Variants in KIF24 observed in about 807,000 individuals in gnomAD.
The protein encoded by KIF24 is kinesin family member 24.
A neutral mutation model predicts 118.9 loss-of-function variants in KIF24; 81 were observed. The ratio of observed to expected loss-of-function variants is 0.68; its 90% CI spans 0.57 to 0.82. The LOEUF (loss-of-function observed/expected upper bound fraction) is 0.82, where lower values mean the gene tolerates loss of function less well. KIF24 is among the 40% of genes least tolerant of loss of function. KIF24 has a pLI of 0.00. For missense variants in KIF24, 1,560 were observed against 1,661.6 expected, an observed-to-expected ratio of 0.94 and a Z score of 1.06; for synonymous variants, 599 against 610.0, an observed-to-expected ratio of 0.98 and a Z score of 0.27.
At chr9:34,288,156 C>T (rs1397422707) in intron 5 of KIF24, among the ~76,000 whole-genome samples, 1 of 151,770 alleles carries the variant, frequency 6.6e-6, no homozygotes, top group Non-Finnish European at 1.5e-5. Context: ...TTTTGTCTAC[C>T]CTTGTCAAAG....
Position 34,257,034 on chromosome 9 carries a change from T to C in KIF24, c.2573A>G (p.His858Arg). The change falls in exon 11 of 13, where the codon CAC (histidine) becomes CGC (arginine). Residue 858 changes from histidine (H) to arginine (R), a missense_variant. By Grantham distance (29) the His-to-Arg change is conservative. Transcript: ENST00000402558. ...CTCAGGACCCTGTCCCCACGTCTGG[T>C]GCAGGAAGAATGAGTCTTCGCTATT... ...LENSEDSFFL[H>R]QTWGQGPEKQ... 1 of 1,614,026 alleles carries C rather than the reference T, an allele frequency of 6.2e-7. No individual in the cohort carries two copies. Among genetic ancestry groups the C allele is most frequent in the Non-Finnish European group, 8.5e-7 (1 of 1,179,886 alleles).
chr9:34,329,464 A>T (rs199994105), upstream of KIF24: 3 of 152,188 alleles, frequency 2.0e-5, no homozygotes, highest in Non-Finnish European at 2.9e-5. Context: ...TCAGTGTGAG[A>T]CGCGCACCTT....
chr9:34,322,731 T>C (rs1481327321), intron 1 of KIF24, among the ~76,000 whole-genome samples: 1 of 152,020 alleles, frequency 6.6e-6, no homozygotes, highest in African/African-American at 2.4e-5. Context: ...ATGTATGCCT[T>C]TAGTCACAGC....
intron 1 of KIF24, among the ~76,000 whole-genome samples, chr9:34,312,291 A>T (rs578050264): frequency 1.8e-4 from 28 of 152,326 alleles, no homozygotes; most frequent in African/African-American, 6.0e-4. Flanking sequence ...TGTATCTTTT[A>T]AAAAATTTTA....
intron 1 of KIF24, chr9:34,319,622 G>C (rs1051223392): frequency 2.2e-6 from 2 of 895,842 alleles, no homozygotes; most frequent in African/African-American, 3.3e-5. Context: ...ACCTGGTCCG[G>C]CCTAAGGTTG....
At chr9:34,294,970 G>A (rs1466422433) in intron 4 of KIF24, among the ~76,000 whole-genome samples, 1 of 152,082 alleles carries the variant, frequency 6.6e-6, no homozygotes. Flanking sequence ...CATCAAATGT[G>A]AATACTTAAG....
chr9:34,314,071 G>A lies in KIF24; in HGVS notation c.-25-2700C>T, dbSNP rs144434579. Among the ~76,000 whole-genome samples the A allele has an allele frequency of 5.3e-4, 80 of 151,424 alleles. No individual in the cohort carries two copies. The East Asian group carries it at 0.014, about 27-fold the overall frequency. The stretch of plus-strand genomic sequence containing the variant: ...GAGCCAAGCCTAAATATGCTTCTGC[G>A]TACCACATTCCATTTTACAATGTTG... On this transcript the variant is annotated intron_variant, in intron 1 of 12. Transcript: ENST00000402558.
chr9:34,285,774 C>CAAAAAA (rs59097671), intron 6 of KIF24, among the ~76,000 whole-genome samples: 2 of 65,052 alleles, frequency 3.1e-5, no homozygotes, highest in South Asian at 4.6e-4. Flanking sequence ...GACTCCATCT[C>CAAAAAA]AAAAAAAAAA....
chr9:34,318,338 C>A lies in KIF24; in HGVS notation c.-25-6967G>T. ...GTCTTGGAGCCAGCCCAGCCCAACC[C>A]AGCCCAACCCAGCTTGACCTAGCCC... On this transcript the variant is annotated intron_variant, in intron 1 of 12. Coordinates refer to ENST00000402558, the MANE Select transcript of KIF24 (RefSeq NM_194313.4). This position sits in a 1 kb window ranked among gnomAD's most constrained non-coding sequence, Gnocchi z 4.9. The A allele has an allele frequency of 1.7e-6, 1 of 578,738 alleles. No individual in the cohort carries two copies. The highest frequency in any genetic ancestry group is 2.5e-5 in the Admixed American group (1 of 40,556). The allele number at this position is 578,738 out of a possible 1,614,324, so 35.9% of individuals were successfully genotyped here. A position where few individuals can be genotyped will look rare whatever the true frequency, so the allele number is the denominator to read the frequency against.
At chr9:34,295,662 A>G (rs1836441248) in intron 4 of KIF24, among the ~76,000 whole-genome samples, 1 of 152,074 alleles carries the variant, frequency 6.6e-6, no homozygotes, top group South Asian at 2.1e-4. Flanking sequence ...TGGGTGACAG[A>G]GTGAGACCCT....
At chr9:34,312,206 G>T (rs747033882) in intron 1 of KIF24, among the ~76,000 whole-genome samples, 1 of 152,138 alleles carries the variant, frequency 6.6e-6, no homozygotes, top group East Asian at 1.9e-4. Flanking sequence ...GGTGGTCATC[G>T]ATCTCTACCT....
rs1209693092 is a variant in KIF24 at position 34,256,816 on chromosome 9, G to A, written c.2791C>T (p.Pro931Ser). The stretch of plus-strand genomic sequence containing the variant: ...GGCTTCTCTGCCAGGCTGTCTCTGG[G>A]AGAAGGCCCTGAGGAAGTAGAGTTC... Reference protein sequence around the residue: ...RENSTSSGPSPRDSLAEKPYC... With the variant: ...RENSTSSGPSSRDSLAEKPYC... The change falls in exon 11 of 13, where the codon CCC becomes TCC. Residue 931 changes from proline (P) to serine (S), a missense_variant. By Grantham distance (74) the Pro-to-Ser change is moderately conservative. Around this residue, in one of 3 missense-constraint regions of KIF24, gnomAD observed 591 missense variants for 655.6 expected, o/e 0.90. Transcript: ENST00000402558. The A allele has an allele frequency of 6.8e-6, 11 of 1,613,980 alleles. No homozygotes were observed. Among genetic ancestry groups the A allele is most frequent in the Non-Finnish European group, 9.3e-6 (11 of 1,179,892 alleles).
In KIF24 at chr9:34,329,094, G is replaced by T. The variant is rs1837787874; in HGVS notation, c.-26+12C>A. Among the ~76,000 whole-genome samples the T allele has an allele frequency of 6.6e-6, 1 of 152,190 alleles. No individual in the cohort carries two copies. The highest frequency in any genetic ancestry group is 2.4e-5 in the African/African-American group (1 of 41,450). Reference sequence around the variant, plus strand: ...GACCTACCCCTCCTCTATTCTCCCCGCCCTTTCTCACCTCGGTCCAAACTC... The same window carrying T: ...GACCTACCCCTCCTCTATTCTCCCCTCCCTTTCTCACCTCGGTCCAAACTC... On this transcript the variant is annotated intron_variant, in intron 1 of 12. Coordinates refer to ENST00000402558, the MANE Select transcript of KIF24 (RefSeq NM_194313.4).
At chr9:34,317,204 G>A (rs1036486020) in intron 1 of KIF24, among the ~76,000 whole-genome samples, 4 of 150,632 alleles carry the variant, frequency 2.7e-5, no homozygotes, top group Non-Finnish European at 5.9e-5. Flanking sequence ...GGCAACAAGA[G>A]TGAAACTCTG....
intron 4 of KIF24, among the ~76,000 whole-genome samples, chr9:34,290,996 A>G (rs979095175): frequency 4.6e-5 from 7 of 152,228 alleles, no homozygotes; most frequent in African/African-American, 1.7e-4. Flanking sequence ...TTAGCCAATA[A>G]GCATTTACTG....
At chr9:34,331,302 CAT>C (rs548976085), upstream of KIF24, among the ~76,000 whole-genome samples, 10 of 152,254 alleles carry the variant, frequency 6.6e-5, 1 homozygote, top group Admixed American at 6.5e-4. Context: ...AACAGTAACT[CAT>C]ATATTTAGTA....
At chr9:34,289,876 T>C (rs574811861) in intron 5 of KIF24, among the ~76,000 whole-genome samples, 1 of 152,342 alleles carries the variant, frequency 6.6e-6, no homozygotes, top group African/African-American at 2.4e-5. Context: ...TAAGTACGTG[T>C]TGATTTCCTG....
chr9:34,272,189 CT>C (rs898414081), intron 6 of KIF24, among the ~76,000 whole-genome samples: 1 of 152,194 alleles, frequency 6.6e-6, no homozygotes, highest in African/African-American at 2.4e-5. Context: ...ATCTCATATA[CT>C]TTTTTTAGTA....
chr9:34,262,658 AAAAAAAAAAAAAAAAAAATATATATATAT>A (rs1835103274), intron 9 of KIF24, among the ~76,000 whole-genome samples: 1 of 35,372 alleles, frequency 2.8e-5, no homozygotes, highest in Non-Finnish European at 5.7e-5. Context: ...AAAAAAAAAA[AAAAAAAAAAAAAAAAAAATATATATATAT>A]ATATATATAT....
Sources: allele counts gnomAD v4.1 joint callset (sites outside exome capture counted in the v4.1 genomes callset), GRCh38; gene constraint gnomAD v4.1.1; regional missense constraint gnomAD v4.1.1; non-coding constraint Gnocchi (gnomAD v3.1); transcripts MANE v1.5; gene names NCBI Gene and HGNC (gene_info 2026-07-23, HGNC 2026-07-21).